Variants in RASEF observed in about 807,000 individuals in gnomAD.
RASEF encodes the protein RAS and EF-hand domain containing.
In RASEF, 68 loss-of-function variants were observed where a neutral mutation model predicts 90.1. The ratio of observed to expected loss-of-function variants is 0.75; its 90% CI spans 0.62 to 0.92. The LOEUF (loss-of-function observed/expected upper bound fraction) is 0.92. RASEF is among the 40% of genes least tolerant of loss of function. The pLI is 0.00. For missense variants in RASEF, 949 were observed against 937.2 expected (o/e 1.01, Z -0.16); for synonymous variants, 331 against 345.2 (o/e 0.96, Z 0.46).
chr9:83,104,804 C>T, the RASEF span, among the ~76,000 whole-genome samples: 3 of 152,200 alleles, frequency 2.0e-5, no homozygotes, highest in Non-Finnish European at 4.4e-5. Context: ...TATTAGTTCT[C>T]TAAAAACATT....
At chr9:83,033,281 C>T (rs142804560) in intron 1 of RASEF, among the ~76,000 whole-genome samples, 2,500 of 152,226 alleles carry the variant, frequency 0.016, 32 homozygotes, top group Non-Finnish European at 0.027. Context: ...GCTAGGAAGC[C>T]AACCAAATTC....
chr9:83,045,690 T>G (rs1257922092), intron 1 of RASEF, among the ~76,000 whole-genome samples: 1 of 152,304 alleles, frequency 6.6e-6, no homozygotes, highest in Non-Finnish European at 1.5e-5. Context: ...ACTCAAGATG[T>G]TTTTTTAGGA....
intron 7 of RASEF, among the ~76,000 whole-genome samples, chr9:83,005,870 C>T (rs140928869): frequency 4.4e-4 from 67 of 152,314 alleles, no homozygotes; most frequent in African/African-American, 1.5e-3. Context: ...CAGGGATGAA[C>T]GCAGTGTGTT....
chr9:83,070,391 C>T, the RASEF span, among the ~76,000 whole-genome samples: 1 of 152,004 alleles, frequency 6.6e-6, no homozygotes, highest in African/African-American at 2.4e-5. Context: ...CTATCCTCTC[C>T]CTGTTGAATC....
At chr9:83,166,938 G>A in the RASEF span, among the ~76,000 whole-genome samples, 1 of 152,144 alleles carries the variant, frequency 6.6e-6, no homozygotes, top group Non-Finnish European at 1.5e-5. Flanking sequence ...TAAAGAAAGG[G>A]AATCTCTCTT....
At chr9:83,061,115 G>A (rs181542089) in intron 1 of RASEF, among the ~76,000 whole-genome samples, 1 of 152,274 alleles carries the variant, frequency 6.6e-6, no homozygotes, top group East Asian at 1.9e-4. Flanking sequence ...AGTTACAGAT[G>A]AAAGATGACT....
chr9:82,999,528 A>AT (rs1828984196), intron 12 of RASEF, among the ~76,000 whole-genome samples: 1 of 152,110 alleles, frequency 6.6e-6, no homozygotes, highest in Non-Finnish European at 1.5e-5. Flanking sequence ...GACTCAGGAA[A>AT]TACATGCTGA....
intron 15 of RASEF, among the ~76,000 whole-genome samples, chr9:82,991,987 G>A (rs1377511235): frequency 6.6e-6 from 1 of 152,166 alleles, no homozygotes; most frequent in Non-Finnish European, 1.5e-5. Flanking sequence ...GTTACATGGT[G>A]GATACCAATA....
chr9:83,105,736 AC>A, the RASEF span, among the ~76,000 whole-genome samples: 5 of 152,238 alleles, frequency 3.3e-5, no homozygotes, highest in African/African-American at 1.2e-4. Context: ...TTGCATTATT[AC>A]AAATCCAAGC....
chr9:83,058,646 C>T (rs1338709510), intron 1 of RASEF, among the ~76,000 whole-genome samples: 2 of 152,182 alleles, frequency 1.3e-5, no homozygotes, highest in African/African-American at 4.8e-5. Context: ...AATGGAGAAG[C>T]AACCCTCACC....
chr9:83,208,194 G>A, the RASEF span, among the ~76,000 whole-genome samples: 7 of 152,078 alleles, frequency 4.6e-5, 1 homozygote, highest in Non-Finnish European at 1.0e-4. Context: ...ACCCTTGGGC[G>A]TCCCTGCAGG....
the RASEF span, among the ~76,000 whole-genome samples, chr9:83,105,361 C>A: frequency 1.3e-5 from 2 of 152,146 alleles, no homozygotes; most frequent in African/African-American, 4.8e-5. Context: ...TAGACAGCAG[C>A]CATTATCAAG....
At chr9:83,086,605 G>A in the RASEF span, among the ~76,000 whole-genome samples, 1 of 152,086 alleles carries the variant, frequency 6.6e-6, no homozygotes, top group African/African-American at 2.4e-5. Context: ...TTGCTGTGGG[G>A]GCTGCAGTCT....
chr9:83,007,968 C>A (rs1432917732), intron 6 of RASEF, among the ~76,000 whole-genome samples: 2 of 152,112 alleles, frequency 1.3e-5, no homozygotes, highest in African/African-American at 4.8e-5. Context: ...TCCTGTGATT[C>A]CTTCCTCTTT....
chr9:83,002,503 T>A (rs1457082017), intron 9 of RASEF, among the ~76,000 whole-genome samples: 3 of 150,592 alleles, frequency 2.0e-5, no homozygotes, highest in Non-Finnish European at 4.4e-5. Context: ...ATATTGTTAA[T>A]ATATTTTAAT....
Position 83,029,777 on chromosome 9 carries a change from C to T in RASEF, c.432-3856G>A, listed in dbSNP as rs376164162. Among the ~76,000 whole-genome samples, 6 of 152,004 alleles carry T rather than the reference C, an allele frequency of 3.9e-5. No homozygotes were observed. The East Asian group carries it at 7.7e-4, about 20-fold the overall frequency. On this transcript the variant is annotated intron_variant, in intron 1 of 16. Coordinates refer to ENST00000376447, the MANE Select transcript of RASEF (RefSeq NM_152573.4). ...GGCCAATCATGATTCAAAAGAATTG[C>T]TCAAGGAAAATATTATTAATAAACC...
intron 16 of RASEF, among the ~76,000 whole-genome samples, chr9:82,986,683 G>A (rs1828717420): frequency 6.6e-6 from 1 of 152,208 alleles, no homozygotes; most frequent in African/African-American, 2.4e-5. Flanking sequence ...AATTGACTCA[G>A]TCTTATGGAC....
At chr9:83,007,778 C>T (rs1806914739) in intron 6 of RASEF, among the ~76,000 whole-genome samples, 1 of 152,160 alleles carries the variant, frequency 6.6e-6, no homozygotes, top group African/African-American at 2.4e-5. Context: ...CCTCCTCAGC[C>T]CATCTCAGCA....
chr9:83,122,180 C>T, the RASEF span, among the ~76,000 whole-genome samples: 1 of 152,212 alleles, frequency 6.6e-6, no homozygotes, highest in Non-Finnish European at 1.5e-5. Context: ...GACCAGCTCA[C>T]GTCCACTACT....
Sources: allele counts gnomAD v4.1 joint callset (sites outside exome capture counted in the v4.1 genomes callset), GRCh38; gene constraint gnomAD v4.1.1; transcripts MANE v1.5; gene names NCBI Gene and HGNC (gene_info 2026-07-23, HGNC 2026-07-21).